The following RBFOX1 variants were observed in gnomAD, a reference collection of about 807,000 sequenced individuals.
The protein encoded by RBFOX1 is RNA binding protein fox-1 homolog 1.
RBFOX1 carries 8 observed loss-of-function variants against 57.7 expected under a neutral mutation model. The ratio of observed to expected loss-of-function variants is 0.14; its 90% CI spans 0.08 to 0.25. The LOEUF is 0.25. RBFOX1 is among the 10% of genes least tolerant of loss of function. The pLI, the probability that RBFOX1 is intolerant of heterozygous loss-of-function variation, is 1.00. For missense variants in RBFOX1, 611 were observed against 548.5 expected (o/e 1.11, Z -1.14); for synonymous variants, 326 against 222.4 (o/e 1.47, Z -4.15).
intron 2 of RBFOX1, among the ~76,000 whole-genome samples, chr16:6,357,582 G>A (rs548589819): frequency 6.0e-5 from 9 of 150,756 alleles, no homozygotes; most frequent in Middle Eastern, 3.4e-3. Flanking sequence ...TCTCTCTCTC[G>A]CTGTCTCGCT....
intron 3 of RBFOX1, among the ~76,000 whole-genome samples, chr16:5,649,860 G>C (rs1017656622): frequency 2.6e-5 from 4 of 152,204 alleles, no homozygotes; most frequent in African/African-American, 4.8e-5. Flanking sequence ...CTTGAGCTGA[G>C]CTTGTTAGTC....
intron 3 of RBFOX1, among the ~76,000 whole-genome samples, chr16:7,028,093 G>T (rs781058846): frequency 5.9e-5 from 9 of 152,104 alleles, no homozygotes; most frequent in African/African-American, 9.7e-5. Context: ...TCATTTGCCT[G>T]TTACTTGGCA....
intron 3 of RBFOX1, among the ~76,000 whole-genome samples, chr16:5,766,746 G>T (rs1485402445): frequency 1.3e-5 from 2 of 152,062 alleles, no homozygotes; most frequent in Admixed American, 6.5e-5. Context: ...ATGAGATTTG[G>T]GTGGGGACAA....
rs1450325523 is a variant in RBFOX1, at chr16:6,385,948, T to TG, written c.-64+68891_-64+68892insG. On this transcript the variant is annotated intron_variant, in intron 2 of 15. Transcript: ENST00000550418. ...TTTCTTTTTTTTCTTTCTTTTTTTT[T>TG]TTTTTGAGATGGAGTCTTGCTCTGT... Among the ~76,000 whole-genome samples the TG allele has an allele frequency of 1.5e-4, 23 of 151,618 alleles. 1 individual carries two copies. In the East Asian group the frequency reaches 2.5e-3, roughly 17 times the overall value.
intron 6 of RBFOX1, among the ~76,000 whole-genome samples, chr16:7,584,472 T>C (rs1430305027): frequency 5.9e-5 from 9 of 152,080 alleles, no homozygotes; most frequent in Admixed American, 5.9e-4. Flanking sequence ...TTTACATTTT[T>C]AGTAGAGACA....
rs565563714 is a variant in RBFOX1, at chr16:6,286,190, C to T, written c.-126-30805C>T. 7.9e-5 allele frequency among the ~76,000 whole-genome samples: 12 copies of T among 152,266 alleles called. 1 individual carries two copies. In the South Asian group the frequency reaches 1.2e-3, roughly 16 times the overall value. ...GGGAGAGCTCGACTGACATGAAAGTCATGGCGTCCATTTTTAACCCCCCAT... is the reference window on the plus strand; with the variant it reads ...GGGAGAGCTCGACTGACATGAAAGTTATGGCGTCCATTTTTAACCCCCCAT... On this transcript the variant is annotated intron_variant, in intron 1 of 15. Transcript: ENST00000550418.
chr16:5,391,098 C>G (rs1486797870), intron 1 of RBFOX1, among the ~76,000 whole-genome samples: 1 of 152,178 alleles, frequency 6.6e-6, no homozygotes, highest in African/African-American at 2.4e-5. Context: ...CAGGAACATT[C>G]CTTGGAAGCA....
At chr16:6,288,238 C>T (rs1400069996) in intron 1 of RBFOX1, among the ~76,000 whole-genome samples, 5 of 53,116 alleles carry the variant, frequency 9.4e-5, no homozygotes, top group East Asian at 0.012. Flanking sequence ...ATGGTGTGAA[C>T]GGTTTTTTTA....
chr16:7,696,488 G>C (rs986492260), intron 14 of RBFOX1, among the ~76,000 whole-genome samples: 46 of 146,984 alleles, frequency 3.1e-4, no homozygotes, highest in African/African-American at 1.2e-3. Flanking sequence ...GCAGAAGAAG[G>C]GTCTGGTATG....
intron 1 of RBFOX1, among the ~76,000 whole-genome samples, chr16:5,448,350 A>G (rs755989175): frequency 1.8e-4 from 27 of 152,050 alleles, no homozygotes; most frequent in Non-Finnish European, 3.7e-4. Flanking sequence ...TCTGTGTTCC[A>G]GAGGCAAAAA....
chr16:6,410,735 C>T (rs11077038), intron 2 of RBFOX1, among the ~76,000 whole-genome samples: 1 of 151,952 alleles, frequency 6.6e-6, no homozygotes, highest in Non-Finnish European at 1.5e-5. Context: ...TTTGTATTAA[C>T]TTCTAGTGCA....
intron 4 of RBFOX1, among the ~76,000 whole-genome samples, chr16:7,247,114 G>C (rs1036118562): frequency 6.6e-6 from 1 of 152,166 alleles, no homozygotes; most frequent in South Asian, 2.1e-4. Context: ...AGGTCAGCTG[G>C]CCCTCAAGTG....
chr16:7,337,645 T>C (rs2096816755), intron 4 of RBFOX1, among the ~76,000 whole-genome samples: 1 of 152,168 alleles, frequency 6.6e-6, no homozygotes, highest in South Asian at 2.1e-4. Context: ...ATACCATCCA[T>C]GACTCACGCA....
intron 3 of RBFOX1, among the ~76,000 whole-genome samples, chr16:6,787,153 T>C (rs1466445135): frequency 6.6e-6 from 1 of 152,184 alleles, no homozygotes; most frequent in Non-Finnish European, 1.5e-5. Context: ...GAAACGTTGA[T>C]GAAACATTTA....
intron 4 of RBFOX1, among the ~76,000 whole-genome samples, chr16:7,456,883 G>A (rs1168903534): frequency 6.8e-6 from 1 of 148,108 alleles, no homozygotes; most frequent in African/African-American, 2.4e-5. Context: ...CCACTCGGAA[G>A]GTGTACTTTT....
chr16:6,315,408 G>GGGTGGATA (rs2080956996), intron 1 of RBFOX1, among the ~76,000 whole-genome samples: 1 of 150,602 alleles, frequency 6.6e-6, no homozygotes, highest in African/African-American at 2.4e-5. Context: ...ATGGGTCTAT[G>GGGTGGATA]GGTGGATAGG....
chr16:7,330,987 A>G (rs1056560262), intron 4 of RBFOX1, among the ~76,000 whole-genome samples: 2 of 152,152 alleles, frequency 1.3e-5, no homozygotes, highest in African/African-American at 2.4e-5. Context: ...GTCAGTGCGC[A>G]GCTGTTATGG....
intron 4 of RBFOX1, among the ~76,000 whole-genome samples, chr16:7,414,443 A>C (rs2098459752): frequency 6.6e-6 from 1 of 152,218 alleles, no homozygotes; most frequent in African/African-American, 2.4e-5. Flanking sequence ...TCTTCAATTA[A>C]AATGTGATTC....
At chr16:5,753,099 G>T (rs971238452) in intron 3 of RBFOX1, among the ~76,000 whole-genome samples, 2 of 151,960 alleles carry the variant, frequency 1.3e-5, no homozygotes, top group Admixed American at 6.6e-5. Context: ...GGTTGAGACT[G>T]CAGTGAGCTG....
Sources: allele counts gnomAD v4.1 joint callset (sites outside exome capture counted in the v4.1 genomes callset), GRCh38; gene constraint gnomAD v4.1.1; transcripts MANE v1.5; gene names NCBI Gene and HGNC (gene_info 2026-07-23, HGNC 2026-07-21).